Variants in SPIDR observed in about 807,000 individuals in gnomAD.
The protein encoded by SPIDR is DNA repair-scaffolding protein.
SPIDR carries 93 observed loss-of-function variants against 104.6 expected under a neutral mutation model. That is an observed-to-expected ratio of 0.89 (90% CI 0.75 to 1.06). SPIDR has a LOEUF of 1.06. Among genes scored for constraint, SPIDR ranks in the 50% least tolerant of loss-of-function variants. SPIDR has a pLI of 0.00. For synonymous variants in SPIDR, 431 were observed against 416.9 expected, an observed-to-expected ratio of 1.03 and a Z score of -0.41; for missense variants, 1,154 against 1,111.2, an observed-to-expected ratio of 1.04 and a Z score of -0.55.
At chr8:47,471,028 C>T (rs1345988466) in intron 8 of SPIDR, among the ~76,000 whole-genome samples, 1 of 152,094 alleles carries the variant, frequency 6.6e-6, no homozygotes, top group Non-Finnish European at 1.5e-5. Flanking sequence ...GCCACCATGC[C>T]CGGCCGACTG....
intron 10 of SPIDR, among the ~76,000 whole-genome samples, chr8:47,615,126 A>G (rs900090488): frequency 6.6e-6 from 1 of 151,140 alleles, no homozygotes; most frequent in African/African-American, 2.4e-5. Context: ...GCTGGAGTGC[A>G]GTGGTGGGAT....
chr8:47,727,364 T>G, intron 17 of SPIDR, 71 bp downstream of exon 17: 11 of 1,405,406 alleles, frequency 7.8e-6, no homozygotes, highest in Non-Finnish European at 1.1e-5. Flanking sequence ...CCCCAGAACC[T>G]GGGCCTTGCT....
intron 7 of SPIDR, among the ~76,000 whole-genome samples, chr8:47,417,269 C>T (rs1177792402): frequency 6.6e-6 from 1 of 152,146 alleles, no homozygotes; most frequent in Non-Finnish European, 1.5e-5. Context: ...CCTATTTCTT[C>T]ACATCCTCTC....
At chr8:47,404,866 A>C (rs569241526) in intron 6 of SPIDR, among the ~76,000 whole-genome samples, 1 of 152,194 alleles carries the variant, frequency 6.6e-6, no homozygotes, top group African/African-American at 2.4e-5. Flanking sequence ...TATACCCAAA[A>C]GATTATAAAT....
At chr8:47,652,743 CA>C (rs2071898134) in intron 10 of SPIDR, among the ~76,000 whole-genome samples, 1 of 152,072 alleles carries the variant, frequency 6.6e-6, no homozygotes, top group African/African-American at 2.4e-5. Flanking sequence ...TTTGCCAAGG[CA>C]GTTTGATTTT....
chr8:47,319,659 A>G lies in SPIDR; in HGVS notation c.525+25629A>G, dbSNP rs543618146. On this transcript the variant is annotated intron_variant, in intron 5 of 19. Coordinates refer to ENST00000297423, the MANE Select transcript of SPIDR (RefSeq NM_001080394.4). ...GAATATACATTCTTCTCAGCACCAC[A>G]CCGCACTTATTCCAAAATTGACCAC... 6.6e-5 allele frequency among the ~76,000 whole-genome samples: 10 copies of G among 152,262 alleles called. No individual in the cohort carries two copies. The East Asian group carries it at 1.7e-3, about 26-fold the overall frequency.
At chr8:47,297,545 G>C (rs1196215633) in intron 5 of SPIDR, among the ~76,000 whole-genome samples, 6 of 152,076 alleles carry the variant, frequency 3.9e-5, no homozygotes, top group African/African-American at 1.4e-4. Context: ...CCATGTCGGT[G>C]TGCTGCACCC....
intron 3 of SPIDR, among the ~76,000 whole-genome samples, chr8:47,286,604 C>G (rs2154232240): frequency 6.6e-6 from 1 of 152,064 alleles, no homozygotes; most frequent in East Asian, 1.9e-4. Flanking sequence ...ATTACATGTA[C>G]ATACACAAAA....
chr8:47,511,068 G>C, intron 8 of SPIDR: 1 of 1,024,844 alleles, frequency 9.8e-7, no homozygotes, highest in Non-Finnish European at 1.6e-6. Flanking sequence ...CATTGAGCAG[G>C]TTGGCTTCCT....
At chr8:47,691,222 C>T (rs1470985080) in intron 11 of SPIDR, among the ~76,000 whole-genome samples, 2 of 138,844 alleles carry the variant, frequency 1.4e-5, no homozygotes, top group Admixed American at 8.0e-5. Context: ...ACCTAGGAGG[C>T]GGAGGTTGTG....
chr8:47,505,948 A>C (rs2081413958), intron 8 of SPIDR, among the ~76,000 whole-genome samples: 1 of 152,166 alleles, frequency 6.6e-6, no homozygotes, highest in African/African-American at 2.4e-5. Flanking sequence ...ATTATTTTTG[A>C]GTATTGCCCT....
chr8:47,665,056 A>G (rs1426267037), intron 10 of SPIDR, among the ~76,000 whole-genome samples: 1 of 152,236 alleles, frequency 6.6e-6, no homozygotes, highest in East Asian at 1.9e-4. Context: ...ATTTGAAGAA[A>G]TAATGGCTGA....
intron 5 of SPIDR, among the ~76,000 whole-genome samples, chr8:47,374,768 C>T (rs2058450502): frequency 6.6e-6 from 1 of 152,074 alleles, no homozygotes; most frequent in African/African-American, 2.4e-5. Context: ...TTAAAACACA[C>T]GTTTAGGTGG....
rs141966529 is a variant in SPIDR at position 47,343,628 on chromosome 8, G to A, written c.525+49598G>A. ...GTGCTTCACTTTCAACACAGCTGCA[G>A]GACCTCAGAAAGCAGCGTGACATGG... On this transcript the variant is annotated intron_variant, in intron 5 of 19. Transcript: ENST00000297423. Among the ~76,000 whole-genome samples the A allele has an allele frequency of 5.6e-4, 85 of 152,296 alleles. No homozygotes were observed. In the East Asian group the frequency reaches 0.014, roughly 26 times the overall value.
At position 47,735,844 on chromosome 8, in the gene SPIDR, C is replaced by T. The variant is rs2086195645; in HGVS notation, c.*394C>T. 2.8e-6 allele frequency: 1 copy of T among 360,016 alleles called. No individual in the cohort carries two copies. The highest frequency in any genetic ancestry group is 5.2e-6 in the Non-Finnish European group (1 of 193,742). 22.3% of individuals were successfully genotyped at this position (360,016 alleles called of 1,614,324 possible). A position where few individuals can be genotyped will look rare whatever the true frequency, so the allele number is the denominator to read the frequency against. ...GTATTTAACATTCCCCCAAAGAATA[C>T]CCTGCAAAGTGTAAACCTTTGTCCC... On this transcript the variant is annotated 3_prime_UTR_variant, in exon 20 of 20. Transcript: ENST00000297423.
At chr8:47,379,176 C>T (rs2059029632) in intron 5 of SPIDR, among the ~76,000 whole-genome samples, 1 of 152,184 alleles carries the variant, frequency 6.6e-6, no homozygotes, top group Non-Finnish European at 1.5e-5. Context: ...TGCACTACCT[C>T]AGAGTCCAAA....
chr8:47,735,446 A>T lies in SPIDR; in HGVS notation c.2744A>T (p.His915Leu), dbSNP rs1003938371. Residue 915 changes from histidine to leucine, a missense_variant, in exon 20 of 20, where the codon CAC becomes CTC. Coordinates refer to ENST00000297423, the MANE Select transcript of SPIDR (RefSeq NM_001080394.4). ...AGTGCAGGAGGGGCCTCTGCAGAAC[A>T]CTAGCGGTTGCCGCAGGATCTGTGA... ...LLSAGGASAE[H>L] The T allele has an allele frequency of 1.2e-5, 19 of 1,614,060 alleles. No homozygotes were observed. Among genetic ancestry groups the T allele is most frequent in the Non-Finnish European group, 1.6e-5 (19 of 1,180,052 alleles).
At position 47,344,919 on chromosome 8, in the gene SPIDR, G is replaced by C. The variant is rs1418530174; in HGVS notation, c.525+50889G>C. On this transcript the variant is annotated intron_variant, in intron 5 of 19. Coordinates refer to ENST00000297423, the MANE Select transcript of SPIDR (RefSeq NM_001080394.4). ...AAAATTTTCTCCCATTCTATAGGTT[G>C]CCTGTTCACTCTGATGGTAGTTTCT... 2.0e-5 allele frequency among the ~76,000 whole-genome samples: 3 copies of C among 152,162 alleles called. No homozygotes were observed. In the East Asian group the frequency reaches 5.8e-4, roughly 29 times the overall value.
chr8:47,560,154 A>T (rs1049321707), intron 8 of SPIDR, among the ~76,000 whole-genome samples: 7 of 152,240 alleles, frequency 4.6e-5, no homozygotes, highest in Non-Finnish European at 1.0e-4. Flanking sequence ...TGACTATGAG[A>T]TGCAACTGTC....
Sources: allele counts gnomAD v4.1 joint callset (sites outside exome capture counted in the v4.1 genomes callset), GRCh38; gene constraint gnomAD v4.1.1; transcripts MANE v1.5; gene names NCBI Gene and HGNC (gene_info 2026-07-23, HGNC 2026-07-21).